CLECL1: variants seen among roughly 807,000 people sequenced by gnomAD.
CLECL1 encodes C-type lectin-like domain family 1.
At chr12:9,725,734 C>T (rs1866371956) in intron 3 of CLECL1, among the ~76,000 whole-genome samples, 1 of 151,944 alleles carries the variant, frequency 6.6e-6, no homozygotes, top group African/African-American at 2.4e-5. Flanking sequence ...ACTACAAGAC[C>T]ATTATAACCT....
intron 1 of CLECL1, among the ~76,000 whole-genome samples, chr12:9,732,202 G>T (rs1866455897): frequency 6.6e-6 from 1 of 151,896 alleles, no homozygotes; most frequent in Non-Finnish European, 1.5e-5. Flanking sequence ...ATTCCACAAG[G>T]GCAAATACAA....
downstream of CLECL1, among the ~76,000 whole-genome samples, chr12:9,722,082 G>A (rs1866320144): frequency 6.6e-6 from 1 of 152,138 alleles, no homozygotes; most frequent in Admixed American, 6.6e-5. Flanking sequence ...AACATACTGA[G>A]CCCCATGAGA....
chr12:9,710,312 C>T, the CLECL1 span, among the ~76,000 whole-genome samples: 4 of 152,092 alleles, frequency 2.6e-5, no homozygotes, highest in Admixed American at 6.5e-5. Flanking sequence ...CTAGGAACCC[C>T]CAGGTAGACC....
chr12:9,727,475 T>C (rs1866393604), intron 3 of CLECL1, among the ~76,000 whole-genome samples: 2 of 151,790 alleles, frequency 1.3e-5, no homozygotes, highest in Admixed American at 1.3e-4. Flanking sequence ...GATAGAGAAG[T>C]TTCTCCTCTA....
At chr12:9,723,138 G>A (rs547445165) in intron 3 of CLECL1, among the ~76,000 whole-genome samples, 8 of 152,050 alleles carry the variant, frequency 5.3e-5, no homozygotes, top group Non-Finnish European at 8.8e-5. Flanking sequence ...AACTTTAAAG[G>A]AAGAATAGAA....
chr12:9,727,495 C>T (rs915580102), intron 3 of CLECL1, among the ~76,000 whole-genome samples: 13 of 151,636 alleles, frequency 8.6e-5, no homozygotes, highest in African/African-American at 2.9e-4. Flanking sequence ...ATTCAGATAT[C>T]GTCAAAGAAA....
downstream of CLECL1, among the ~76,000 whole-genome samples, chr12:9,718,375 A>G (rs906270889): frequency 1.3e-5 from 2 of 149,652 alleles, no homozygotes; most frequent in African/African-American, 4.9e-5. Flanking sequence ...TTTTTTGTCT[A>G]TTAGTTTAAT....
chr12:9,706,539 G>A, the CLECL1 span, among the ~76,000 whole-genome samples: 7 of 152,020 alleles, frequency 4.6e-5, no homozygotes, highest in African/African-American at 1.7e-4. Context: ...TTAAACACCA[G>A]GTAGATTGAG....
the CLECL1 span, among the ~76,000 whole-genome samples, chr12:9,706,833 C>T: frequency 1.3e-5 from 2 of 152,098 alleles, no homozygotes; most frequent in African/African-American, 4.8e-5. Flanking sequence ...TGTATTTCTG[C>T]CAGGTTTTGG....
chr12:9,713,557 A>G (rs1202103024), downstream of CLECL1, among the ~76,000 whole-genome samples: 1 of 152,216 alleles, frequency 6.6e-6, no homozygotes, highest in East Asian at 1.9e-4. Flanking sequence ...ACTGAGTATA[A>G]AACAATATAA....
the CLECL1 span, among the ~76,000 whole-genome samples, chr12:9,704,633 C>T: frequency 4.9e-4 from 74 of 152,270 alleles, no homozygotes; most frequent in African/African-American, 1.7e-3. Flanking sequence ...CATCATTTAG[C>T]TCTCACTTAC....
downstream of CLECL1, among the ~76,000 whole-genome samples, chr12:9,719,616 G>A (rs2121043473): frequency 6.6e-6 from 1 of 152,232 alleles, no homozygotes; most frequent in African/African-American, 2.4e-5. Context: ...AGAGCGTGGT[G>A]GTGCATGGCC....
At chr12:9,720,424 C>A (rs894119404), downstream of CLECL1, among the ~76,000 whole-genome samples, 1 of 150,786 alleles carries the variant, frequency 6.6e-6, no homozygotes, top group Non-Finnish European at 1.5e-5. Context: ...CTCACTGCAA[C>A]CTCCGCCTCC....
intron 1 of CLECL1, among the ~76,000 whole-genome samples, chr12:9,731,580 C>T (rs1488279899): frequency 2.0e-5 from 3 of 152,172 alleles, no homozygotes; most frequent in Non-Finnish European, 4.4e-5. Context: ...GGCGAAGTGA[C>T]GCATGAGAAC....
At chr12:9,707,945 G>A in the CLECL1 span, among the ~76,000 whole-genome samples, 2 of 152,152 alleles carry the variant, frequency 1.3e-5, no homozygotes, top group Non-Finnish European at 2.9e-5. Flanking sequence ...ATTGTTCCTG[G>A]AGGTGCCATG....
downstream of CLECL1, chr12:9,718,592 A>C (rs1866266944): frequency 1.8e-6 from 1 of 552,416 alleles, no homozygotes; most frequent in Non-Finnish European, 3.2e-6. Flanking sequence ...ACTATCTCAG[A>C]ATGTGACTGT....
In CLECL1 at chr12:9,724,712, G is replaced by A. The variant is rs772325492; in HGVS notation, n.263-1899C>T. On this transcript the variant is annotated intron_variant and non_coding_transcript_variant, in intron 3 of 3. Coordinates refer to ENST00000621400, the Ensembl canonical transcript of CLECL1. ...CTTGTGGAATAATATTGAAACATAT[G>A]ACATATTTAGAATTGAAGTCCCAAA... 2.6e-5 allele frequency among the ~76,000 whole-genome samples: 4 copies of A among 151,252 alleles called. No homozygotes were observed. In the East Asian group the frequency reaches 7.8e-4, roughly 30 times the overall value.
At chr12:9,728,085 C>T (rs1866400912) in intron 2 of CLECL1, among the ~76,000 whole-genome samples, 1 of 151,674 alleles carries the variant, frequency 6.6e-6, no homozygotes, top group Admixed American at 6.6e-5. Flanking sequence ...ATGATTTGTT[C>T]CTTTGAGATT....
chr12:9,705,588 A>G, the CLECL1 span, among the ~76,000 whole-genome samples: 1 of 152,188 alleles, frequency 6.6e-6, no homozygotes, highest in African/African-American at 2.4e-5. Flanking sequence ...TATATGATAT[A>G]AGGAAGGGTC....
Sources: gnomAD v4.1 joint callset for allele counts (sites outside exome capture counted in the v4.1 genomes callset) on GRCh38, gnomAD v4.1.1 for gene constraint, MANE v1.5 for transcripts, NCBI Gene and HGNC (gene_info 2026-07-23, HGNC 2026-07-21) for gene names.